Variants in NIPA1 observed in about 807,000 individuals in gnomAD.
NIPA1 encodes NIPA magnesium transporter 1.
A neutral mutation model predicts 23.9 loss-of-function variants in NIPA1; 13 were observed. That is an observed-to-expected ratio of 0.54 (90% CI 0.35 to 0.87). NIPA1 has a LOEUF of 0.87. NIPA1 is among the 40% of genes least tolerant of loss of function. NIPA1 has a pLI of 0.01. For missense variants in NIPA1, 362 were observed against 429.7 expected, an observed-to-expected ratio of 0.84 and a Z score of 1.39; for synonymous variants, 234 against 202.9, an observed-to-expected ratio of 1.15 and a Z score of -1.30.
intron 4 of NIPA1, among the ~76,000 whole-genome samples, chr15:22,821,058 A>T (rs535442645): frequency 6.7e-6 from 1 of 149,296 alleles, no homozygotes; most frequent in African/African-American, 2.5e-5. Context: ...GCTCACTGCG[A>T]GCTCCGCCAT....
rs575566321 is a variant in NIPA1 at position 22,798,705 on chromosome 15, G to A, written c.178+11871G>A. On this transcript the variant is annotated intron_variant, in intron 1 of 4. Coordinates refer to ENST00000337435, the MANE Select transcript of NIPA1 (RefSeq NM_144599.5). ...CTACTAAAAATACAAAAAATTAGTC[G>A]GGTGCCTGTAGTCCCAGCTACTCGG... is the stretch of plus-strand genomic sequence containing the variant. Among the ~76,000 whole-genome samples, 4 of 150,144 alleles carry A rather than the reference G, an allele frequency of 2.7e-5. No homozygotes were observed. In the East Asian group the frequency reaches 8.0e-4, roughly 30 times the overall value.
At chr15:22,805,330 A>T (rs889656599) in intron 1 of NIPA1, among the ~76,000 whole-genome samples, 17 of 152,150 alleles carry the variant, frequency 1.1e-4, no homozygotes, top group Non-Finnish European at 2.4e-4. Flanking sequence ...AAGGCAGTTA[A>T]TGCCTTCCTC....
chr15:22,812,443 C>G lies in NIPA1; in HGVS notation c.317+190C>G, dbSNP rs7168401. The stretch of plus-strand genomic sequence containing the variant: ...AAGGAGGGTGAATTATTTGAGGTCA[C>G]GAGTTCAAGACCAGCCTGGCCAACA... On this transcript the variant is annotated intron_variant, in intron 3 of 4. Transcript: ENST00000337435. 0.94 allele frequency among the ~76,000 whole-genome samples: 142,601 copies of G among 152,210 alleles called. 67,031 individuals are homozygous for G. Among genetic ancestry groups the G allele is most frequent in the East Asian group, 1 (5,183 of 5,186 alleles).
intron 4 of NIPA1, among the ~76,000 whole-genome samples, chr15:22,822,508 G>T (rs1456363163): frequency 1.3e-5 from 2 of 152,104 alleles, no homozygotes; most frequent in Non-Finnish European, 1.5e-5. Flanking sequence ...AAACCTCGGA[G>T]CATCTCCATT....
rs1415378803 is a variant in NIPA1, at chr15:22,817,871, A to G, written c.318-2442A>G. On this transcript the variant is annotated intron_variant, in intron 3 of 4. Coordinates refer to ENST00000337435, the MANE Select transcript of NIPA1 (RefSeq NM_144599.5). ...GAGCAAACCAAAAATGAAATTAAGA[A>G]AGCAATTTCATATGCAGTAGCACCA... Among the ~76,000 whole-genome samples the G allele has an allele frequency of 1.3e-5, 2 of 152,116 alleles. 1 individual carries two copies. The highest frequency in any genetic ancestry group is 3.9e-4 in the East Asian group (2 of 5,182).
intron 1 of NIPA1, among the ~76,000 whole-genome samples, chr15:22,800,495 A>G (rs1665842430): frequency 6.6e-6 from 1 of 152,068 alleles, no homozygotes; most frequent in Non-Finnish European, 1.5e-5. Context: ...ATGTAATTTA[A>G]AAAATGAGGC....
At chr15:22,803,549 C>T (rs1231085411) in intron 1 of NIPA1, among the ~76,000 whole-genome samples, 7 of 117,932 alleles carry the variant, frequency 5.9e-5, no homozygotes, top group African/African-American at 1.0e-4. Flanking sequence ...CACTCTGTTG[C>T]GTAGGCTGGA....
intron 2 of NIPA1, among the ~76,000 whole-genome samples, chr15:22,811,218 A>G (rs1895308675): frequency 1.3e-5 from 2 of 152,192 alleles, no homozygotes; most frequent in Non-Finnish European, 2.9e-5. Flanking sequence ...CATGAGTCAA[A>G]GATCAGGTCA....
At chr15:22,790,422 CTTT>C (rs201663769) in intron 1 of NIPA1, among the ~76,000 whole-genome samples, 3 of 133,304 alleles carry the variant, frequency 2.3e-5, no homozygotes, top group Non-Finnish European at 4.8e-5. Context: ...TCCCAAAGTG[CTTT>C]TTTTTTTTTT....
chr15:22,822,960 C>T (rs1418075115), intron 4 of NIPA1, among the ~76,000 whole-genome samples: 1 of 135,830 alleles, frequency 7.4e-6, no homozygotes, highest in Non-Finnish European at 1.5e-5. Context: ...GCTCTGTCGC[C>T]CAGGCTGGAG....
chr15:22,817,041 G>A (rs576766409), intron 3 of NIPA1, among the ~76,000 whole-genome samples: 1 of 151,014 alleles, frequency 6.6e-6, no homozygotes, highest in East Asian at 2.0e-4. Flanking sequence ...AAAAAAATCA[G>A]CCAGGTGTGG....
At chr15:22,821,039 G>A (rs575318775) in intron 4 of NIPA1, among the ~76,000 whole-genome samples, 42 of 150,724 alleles carry the variant, frequency 2.8e-4, no homozygotes, top group African/African-American at 8.8e-4. Flanking sequence ...GTGCAGTGGC[G>A]CGATCTCAGC....
chr15:22,823,581 C>T, intron 4 of NIPA1, 147 bp from the exon 5 acceptor site: 1 of 741,376 alleles, frequency 1.3e-6, no homozygotes, highest in Non-Finnish European at 2.3e-6. Flanking sequence ...TAAATTCAAG[C>T]CAGAGCCCAC....
intron 1 of NIPA1, among the ~76,000 whole-genome samples, chr15:22,791,913 C>T (rs959186940): frequency 1.3e-5 from 2 of 152,126 alleles, no homozygotes; most frequent in Non-Finnish European, 1.5e-5. Context: ...GTCCAGGGAG[C>T]GTCCTCTACA....
intron 3 of NIPA1, among the ~76,000 whole-genome samples, chr15:22,817,711 A>G (rs1895455142): frequency 6.6e-6 from 1 of 151,984 alleles, no homozygotes; most frequent in South Asian, 2.1e-4. Flanking sequence ...AGGCTGAGGC[A>G]GGAGAATGGC....
At chr15:22,814,346 C>T (rs961677401) in intron 3 of NIPA1, among the ~76,000 whole-genome samples, 7 of 151,942 alleles carry the variant, frequency 4.6e-5, no homozygotes, top group Non-Finnish European at 8.8e-5. Context: ...CAAGCTCTAC[C>T]TGCTGGGTTC....
chr15:22,807,882 C>G (rs1895244855), intron 1 of NIPA1, among the ~76,000 whole-genome samples: 1 of 151,732 alleles, frequency 6.6e-6, no homozygotes, highest in African/African-American at 2.4e-5. Flanking sequence ...CTCCCAGGTT[C>G]ATGCCATTTT....
At chr15:22,788,556 A>G (rs1253810828) in intron 1 of NIPA1, among the ~76,000 whole-genome samples, 6 of 151,380 alleles carry the variant, frequency 4.0e-5, no homozygotes, top group Non-Finnish European at 7.4e-5. Context: ...AAGGTCATGG[A>G]ATCTGAAAGC....
chr15:22,799,747 A>C (rs1237328262), intron 1 of NIPA1, among the ~76,000 whole-genome samples: 1 of 150,374 alleles, frequency 6.7e-6, no homozygotes, highest in African/African-American at 2.5e-5. Flanking sequence ...GCACCATTGC[A>C]CTCCAGCCTG....
Sources: gnomAD v4.1 joint callset for allele counts (sites outside exome capture counted in the v4.1 genomes callset) on GRCh38, gnomAD v4.1.1 for gene constraint, MANE v1.5 for transcripts, NCBI Gene and HGNC (gene_info 2026-07-23, HGNC 2026-07-21) for gene names.